ESR1: variants seen among roughly 807,000 people sequenced by gnomAD.
ESR1 encodes estrogen receptor 1.
In ESR1, 12 loss-of-function variants were observed where a neutral mutation model predicts 52.7. The ratio of observed to expected loss-of-function variants is 0.23; its 90% confidence interval spans 0.15 to 0.37. The LOEUF is 0.37. Among genes scored for constraint, ESR1 ranks in the 10% least tolerant of loss-of-function variants. The probability of loss-of-function intolerance (pLI) is 1.00; values close to 1 mark genes in which losing one functional copy is unlikely to be tolerated. For missense variants in ESR1, 584 were observed against 779.7 expected (o/e 0.75, Z 2.99); for synonymous variants, 305 against 316.8 (o/e 0.96, Z 0.39).
At chr6:151,880,593 G>A in intron 2 of ESR1, 62 bp from the exon 3 acceptor site, 1 of 1,009,122 alleles carries the variant, frequency 9.9e-7, no homozygotes, top group Admixed American at 1.7e-5. Flanking sequence ...AGGTTTCCCT[G>A]TAGATTCTGA....
chr6:152,000,105 G>A (rs898465563), intron 4 of ESR1, among the ~76,000 whole-genome samples: 1 of 151,984 alleles, frequency 6.6e-6, no homozygotes, highest in Non-Finnish European at 1.5e-5. Context: ...ATATTTTCCA[G>A]GGAATGTGAT....
At chr6:152,050,322 A>G (rs1403650861) in intron 5 of ESR1, among the ~76,000 whole-genome samples, 1 of 152,190 alleles carries the variant, frequency 6.6e-6, no homozygotes, top group Admixed American at 6.5e-5. Context: ...CATACCAACC[A>G]TTCTTAAGGT....
chr6:151,963,353 G>C (rs1418877024), intron 4 of ESR1, among the ~76,000 whole-genome samples: 35 of 152,178 alleles, frequency 2.3e-4, no homozygotes, highest in Non-Finnish European at 1.5e-5. Context: ...AAAAATGTGG[G>C]TAAGAGTGAT....
At chr6:151,789,207 T>A (rs1787300995) in intron 2 of ESR1, among the ~76,000 whole-genome samples, 1 of 152,200 alleles carries the variant, frequency 6.6e-6, no homozygotes, top group Admixed American at 6.5e-5. Context: ...AGTGCAGCCA[T>A]TTTGGAAAAT....
Position 152,014,597 on chromosome 6 carries a change from A to G in ESR1, c.1235+2803A>G, listed in dbSNP as rs1427463421. On this transcript the variant is annotated intron_variant, in intron 5 of 7. Coordinates refer to ENST00000206249, the MANE Select transcript of ESR1 (RefSeq NM_000125.4). ...TAAAGCTAGAAGCTTTAAGTTACCC[A>G]TGGATTCTACCTTCTCCCTCACCAA... Among the ~76,000 whole-genome samples, 5 of 152,150 alleles carry G rather than the reference A, an allele frequency of 3.3e-5. No homozygotes were observed. The East Asian group carries it at 9.7e-4, about 30-fold the overall frequency.
intron 3 of ESR1, among the ~76,000 whole-genome samples, chr6:151,903,815 A>C (rs760886981): frequency 1.3e-5 from 2 of 152,224 alleles, no homozygotes; most frequent in Non-Finnish European, 2.9e-5. Context: ...ATAGGATTAT[A>C]TTCCATGTTC....
chr6:152,028,143 C>CA (rs796344787), intron 5 of ESR1, among the ~76,000 whole-genome samples: 44 of 150,008 alleles, frequency 2.9e-4, no homozygotes, highest in African/African-American at 9.8e-4. Context: ...GACTTTGTCT[C>CA]AAAAAAAAAT....
chr6:152,059,437 C>T (rs1252424949), intron 5 of ESR1, among the ~76,000 whole-genome samples: 1 of 151,502 alleles, frequency 6.6e-6, no homozygotes, highest in Non-Finnish European at 1.5e-5. Flanking sequence ...CCAGGAACAA[C>T]ATCAGAAGAA....
At chr6:151,982,613 T>G (rs1157946746) in intron 4 of ESR1, among the ~76,000 whole-genome samples, 2 of 151,484 alleles carry the variant, frequency 1.3e-5, no homozygotes. Flanking sequence ...GCCTCCTGAG[T>G]AGCTGGGACT....
intron 5 of ESR1, among the ~76,000 whole-genome samples, chr6:152,019,289 A>G (rs929669052): frequency 1.1e-4 from 17 of 152,350 alleles, no homozygotes; most frequent in African/African-American, 3.4e-4. Context: ...ACACACGTAC[A>G]CACACATATT....
At chr6:151,964,737 G>T (rs1246014417) in intron 4 of ESR1, among the ~76,000 whole-genome samples, 1 of 151,664 alleles carries the variant, frequency 6.6e-6, no homozygotes, top group African/African-American at 2.4e-5. Context: ...TGCCTCCTGG[G>T]TTCACACCAT....
chr6:152,019,277 GCACACACGTA>G (rs1423014986), intron 5 of ESR1, among the ~76,000 whole-genome samples: 2 of 152,088 alleles, frequency 1.3e-5, no homozygotes, highest in Non-Finnish European at 2.9e-5. Flanking sequence ...TTAAACACAG[GCACACACGTA>G]CACACACATA....
chr6:151,962,266 T>C (rs539671555), intron 4 of ESR1, among the ~76,000 whole-genome samples: 1 of 152,130 alleles, frequency 6.6e-6, no homozygotes, highest in African/African-American at 2.4e-5. Context: ...TTTATTCTTA[T>C]CCTGAGGCCC....
At chr6:151,750,750 A>C (rs1382823438) in intron 2 of ESR1, among the ~76,000 whole-genome samples, 4 of 152,216 alleles carry the variant, frequency 2.6e-5, no homozygotes, top group African/African-American at 9.6e-5. Context: ...CTTGAGAATC[A>C]GGTAAACTTC....
At chr6:152,118,951 C>T (rs1482012731) in intron 6 of ESR1, among the ~76,000 whole-genome samples, 2 of 152,110 alleles carry the variant, frequency 1.3e-5, no homozygotes, top group Non-Finnish European at 2.9e-5. Flanking sequence ...CTGGTACACA[C>T]TCAGGATATT....
intron 4 of ESR1, among the ~76,000 whole-genome samples, chr6:151,963,129 T>A (rs949220854): frequency 3.9e-5 from 6 of 152,182 alleles, no homozygotes; most frequent in Admixed American, 3.3e-4. Flanking sequence ...CTCTTGATTT[T>A]GGAGGCTTGT....
chr6:152,079,625 A>T (rs9479206), intron 6 of ESR1, among the ~76,000 whole-genome samples: 32,092 of 152,082 alleles, frequency 0.21, 4,781 homozygotes, highest in African/African-American at 0.41. Context: ...GGAACAAAAC[A>T]GGATGGAGAA....
intron 2 of ESR1, among the ~76,000 whole-genome samples, chr6:151,734,758 G>A (rs927231750): frequency 1.1e-4 from 16 of 152,010 alleles, no homozygotes; most frequent in Admixed American, 3.3e-4. Context: ...GAGTAGCTGG[G>A]ATTACAGGCT....
intron 2 of ESR1, among the ~76,000 whole-genome samples, chr6:151,873,469 G>C (rs900825271): frequency 6.6e-6 from 1 of 152,156 alleles, no homozygotes; most frequent in Non-Finnish European, 1.5e-5. Context: ...CCCCCAGATA[G>C]GAAGTGAGCA....
Sources: allele counts gnomAD v4.1 joint callset (sites outside exome capture counted in the v4.1 genomes callset), GRCh38; gene constraint gnomAD v4.1.1; transcripts MANE v1.5; gene names NCBI Gene and HGNC (gene_info 2026-07-23, HGNC 2026-07-21).